The following SNCG variants were observed in gnomAD, a reference collection of about 807,000 sequenced individuals.
SNCG encodes gamma-synuclein.
A neutral mutation model predicts 16.0 loss-of-function variants in SNCG; 13 were observed. The observed-to-expected ratio is 0.81, with a 90% confidence interval of 0.53 to 1.29. The LOEUF (loss-of-function observed/expected upper bound fraction) is 1.29. Ranked by LOEUF, SNCG falls within the 50% of genes most tolerant of loss-of-function variation. The probability of loss-of-function intolerance (pLI) is 0.00; values close to 1 mark genes in which losing one functional copy is unlikely to be tolerated. For synonymous variants in SNCG, 66 were observed against 66.3 expected (o/e 1.00, Z 0.02); for missense variants, 154 against 168.5 (o/e 0.91, Z 0.48).
rs534741288 is a variant in SNCG at position 86,962,411 on chromosome 10, C to A, written c.292-193C>A. On this transcript the variant is annotated intron_variant, in intron 3 of 4. Transcript: ENST00000372017. Reference sequence around the variant, plus strand: ...CAGGGTACTTGGTGCCCCTGGAAGGCCTCGGCATCATCAGAGCCCCGGGTA... The same window carrying A: ...CAGGGTACTTGGTGCCCCTGGAAGGACTCGGCATCATCAGAGCCCCGGGTA... 3.7e-4 allele frequency among the ~76,000 whole-genome samples: 57 copies of A among 152,232 alleles called. 1 individual carries two copies. In the East Asian group the frequency reaches 9.5e-3, roughly 25 times the overall value.
rs1439483855 is a variant in SNCG at position 86,959,379 on chromosome 10, C to A, written c.122-254C>A. ...CGGCCACACCCGGGCAGGGGCTGGA[C>A]CCTGGGTCTAGCCAGTGTCCCTACC... is the stretch of plus-strand genomic sequence containing the variant. On this transcript the variant is annotated intron_variant, in intron 1 of 4. Transcript: ENST00000372017. This position sits in a 1 kb window ranked among gnomAD's most constrained non-coding sequence, Gnocchi z 4.3. 4 of 576,264 alleles carry A rather than the reference C, an allele frequency of 6.9e-6. No homozygotes were observed. The highest frequency in any genetic ancestry group is 1.2e-5 in the Non-Finnish European group (4 of 325,328). The allele number at this position is 576,264 out of a possible 1,614,324, so 35.7% of individuals were successfully genotyped here.
rs984959278 is a variant in SNCG, at chr10:86,958,881, C to T, written c.121+63C>T. 3.1e-5 allele frequency: 47 copies of T among 1,518,766 alleles called. No homozygotes were observed. The Admixed American group carries it at 6.4e-4, about 21-fold the overall frequency. 94.1% of individuals were successfully genotyped at this position (1,518,766 alleles called of 1,614,324 possible). A position where few individuals can be genotyped will look rare whatever the true frequency, so the allele number is the denominator to read the frequency against. On this transcript the variant is annotated intron_variant, in intron 1 of 4. Coordinates refer to ENST00000372017, the MANE Select transcript of SNCG (RefSeq NM_003087.3). ...CAAAGGGTGAGTGCCCAGTTACCTT[C>T]GCCAGACCTTACTCCCCAGCCCCAG...
At chr10:86,961,693 C>T (rs978908634) in intron 3 of SNCG, among the ~76,000 whole-genome samples, 1 of 152,216 alleles carries the variant, frequency 6.6e-6, no homozygotes, top group African/African-American at 2.4e-5. Context: ...TCTGACCACT[C>T]ATACCCCTGG....
upstream of SNCG, chr10:86,957,396 C>A (rs573069934): frequency 3.1e-6 from 5 of 1,613,404 alleles, no homozygotes; most frequent in Non-Finnish European, 4.2e-6. Flanking sequence ...GGGGTCCTTG[C>A]CGGTGTCCTC....
Position 86,960,093 on chromosome 10 carries a change from G to A in SNCG, c.256G>A (p.Glu86Lys). 1 of 1,613,402 alleles carries A rather than the reference G, an allele frequency of 6.2e-7. No individual in the cohort carries two copies. The highest frequency in any genetic ancestry group is 1.3e-5 in the African/African-American group (1 of 75,042). The change falls in exon 3 of 5, where the codon GAG (glutamate) becomes AAG (lysine). Residue 86 changes from glutamate to lysine, a missense_variant. By Grantham distance (56) the Glu-to-Lys change is moderately conservative (BLOSUM62 1). Coordinates refer to ENST00000372017, the MANE Select transcript of SNCG (RefSeq NM_003087.3). ...GGCCACCAAGACCGTGGAGGAGGCG[G>A]AGAACATCGCGGTCACCTCCGGGGT... is the stretch of plus-strand genomic sequence containing the variant. ...TVATKTVEEA[E>K]NIAVTSGVVR...
intron 3 of SNCG, among the ~76,000 whole-genome samples, chr10:86,960,650 TTGTG>T (rs766284502): frequency 6.6e-6 from 1 of 152,040 alleles, no homozygotes; most frequent in Non-Finnish European, 1.5e-5. Flanking sequence ...GCAGCTGCCT[TTGTG>T]TGTGTGTGCA....
At chr10:86,962,479 T>C in intron 3 of SNCG, 125 bp from the exon 4 acceptor site, 1 of 635,824 alleles carries the variant, frequency 1.6e-6, no homozygotes, top group Non-Finnish European at 2.8e-6. Context: ...CCCCTCCAAG[T>C]ACAACAAGGC....
chr10:86,958,191 T>C (rs1844269050), upstream of SNCG: 1 of 972,944 alleles, frequency 1.0e-6, no homozygotes, highest in African/African-American at 1.8e-5. Context: ...TGCTCTCACC[T>C]AACAGGCCTA....
intron 3 of SNCG, among the ~76,000 whole-genome samples, chr10:86,960,802 G>C (rs191100782): frequency 6.6e-6 from 1 of 152,318 alleles, no homozygotes; most frequent in East Asian, 1.9e-4. Context: ...GTGTTGGCTG[G>C]GTGAGCTGTC....
At chr10:86,958,116 C>T (rs1056841007), upstream of SNCG, 1 of 985,296 alleles carries the variant, frequency 1.0e-6, no homozygotes, top group African/African-American at 1.7e-5. Flanking sequence ...TCATGGCAGC[C>T]CAGGGTCCAG....
chr10:86,962,716 T>G (rs62621086), intron 4 of SNCG, 41 bp downstream of exon 4: 123,986 of 1,497,570 alleles, frequency 0.083, 6,492 homozygotes, highest in African/African-American at 0.25. Context: ...GGGGGTTCCT[T>G]GGTAGGGACC....
Position 86,958,673 on chromosome 10 carries a change from A to G in SNCG, c.-25A>G, listed in dbSNP as rs773418525. 1 of 1,613,598 alleles carries G rather than the reference A, an allele frequency of 6.2e-7. No homozygotes were observed. ...GGAGATCCAGCTCCGTCCTGCCTGC[A>G]GCAGCACAACCCTGCACACCCACCA... On this transcript the variant is annotated 5_prime_UTR_variant, in exon 1 of 5. Transcript: ENST00000372017.
Position 86,962,573 on chromosome 10 carries a change from A to G in SNCG, c.292-31A>G, listed in dbSNP as rs954021121. On this transcript the variant is annotated intron_variant, in intron 3 of 4. Transcript: ENST00000372017. ...AGCTAGGGGTCTCTGCATTCTCCAC[A>G]TGGTCTCATGCCCCCTTTTGTCCCC... The G allele has an allele frequency of 3.8e-6, 6 of 1,559,266 alleles. No homozygotes were observed. The African/African-American group carries it at 5.4e-5, about 14-fold the overall frequency.
upstream of SNCG, chr10:86,958,499 C>CCAACCAAACA: frequency 1.8e-6 from 2 of 1,111,544 alleles, no homozygotes; most frequent in Non-Finnish European, 2.3e-6. Flanking sequence ...AACCTCCTTC[C>CCAACCAAACA]CTCCCTCCCT....
At position 86,959,936 on chromosome 10, in the gene SNCG, C is replaced by T; in HGVS notation, c.164-65C>T. 1.3e-6 allele frequency: 2 copies of T among 1,549,948 alleles called. No homozygotes were observed. Among genetic ancestry groups the T allele is most frequent in the Non-Finnish European group, 1.7e-6 (2 of 1,146,674 alleles). ...GAGCTCCTGGGAAGGGGCTGCGAGCCTGACTCCAGCAGGCCTGCCTTGGGG... is the reference window on the plus strand; with the variant it reads ...GAGCTCCTGGGAAGGGGCTGCGAGCTTGACTCCAGCAGGCCTGCCTTGGGG... On this transcript the variant is annotated intron_variant, in intron 2 of 4. Transcript: ENST00000372017. The surrounding 1 kb of genome is among the most constrained non-coding windows in gnomAD (Gnocchi z 4.3).
chr10:86,959,469 C>A lies in SNCG; in HGVS notation c.122-164C>A. 1.5e-6 allele frequency: 1 copy of A among 655,540 alleles called. No individual in the cohort carries two copies. The highest frequency in any genetic ancestry group is 1.8e-5 in the South Asian group (1 of 56,674). The allele number at this position is 655,540 out of a possible 1,614,324, so 40.6% of individuals were successfully genotyped here. The stretch of plus-strand genomic sequence containing the variant: ...CCCCTTCCCATCCATCCACTTCTTC[C>A]AGACACAGCAGGAAGAGGCCCTCTG... On this transcript the variant is annotated intron_variant, in intron 1 of 4. Transcript: ENST00000372017. This position sits in a 1 kb window ranked among gnomAD's most constrained non-coding sequence, Gnocchi z 4.3.
At chr10:86,958,199 C>T (rs1844269213), upstream of SNCG, 2 of 968,724 alleles carry the variant, frequency 2.1e-6, no homozygotes, top group Non-Finnish European at 2.5e-6. Flanking sequence ...CCTAACAGGC[C>T]TATGTGGCCC....
In SNCG at chr10:86,963,046, T is replaced by A. The variant is rs1222429337; in HGVS notation, c.*61T>A. The A allele has an allele frequency of 6.5e-7, 1 of 1,528,564 alleles. No individual in the cohort carries two copies. Among genetic ancestry groups the A allele is most frequent in the Non-Finnish European group, 8.9e-7 (1 of 1,126,384 alleles). The allele number at this position is 1,528,564 out of a possible 1,614,324, so 94.7% of individuals were successfully genotyped here. ...CTCCTCTGCCTTGGACACCATCCCC[T>A]CCTAGCACAAGGAGTGCCCGCCTTG... On this transcript the variant is annotated 3_prime_UTR_variant, in exon 5 of 5. Transcript: ENST00000372017.
chr10:86,958,842 G>C, intron 1 of SNCG, 24 bp downstream of exon 1: 2 of 1,585,364 alleles, frequency 1.3e-6, no homozygotes, highest in Non-Finnish European at 1.7e-6. Context: ...GGCAGGGTGG[G>C]ACAGTGTGGT....
Sources: gnomAD v4.1 joint callset for allele counts (sites outside exome capture counted in the v4.1 genomes callset) on GRCh38, gnomAD v4.1.1 for gene constraint, Gnocchi (gnomAD v3.1) non-coding constraint, MANE v1.5 for transcripts, NCBI Gene and HGNC (gene_info 2026-07-23, HGNC 2026-07-21) for gene names.